The following STAC3 variants were observed in gnomAD, a reference collection of about 807,000 sequenced individuals.
STAC3 encodes the protein SH3 and cysteine-rich domain-containing protein 3.
STAC3 carries 30 observed loss-of-function variants against 48.5 expected under a neutral mutation model. That is an observed-to-expected ratio of 0.62 (90% CI 0.46 to 0.84). The LOEUF (loss-of-function observed/expected upper bound fraction) is 0.84, where lower values mean the gene tolerates loss of function less well. Ranked by LOEUF, STAC3 falls within the 40% of genes least tolerant of loss-of-function variation. The pLI is 0.00. For synonymous variants in STAC3, 144 were observed against 158.6 expected (o/e 0.91, Z 0.69); for missense variants, 419 against 462.6 (o/e 0.91, Z 0.86).
intron 5 of STAC3, among the ~76,000 whole-genome samples, chr12:57,247,419 A>ATTTTTTTTTTTTTTTTT (rs1360362639): frequency 1.2e-4 from 11 of 88,670 alleles, no homozygotes; most frequent in African/African-American, 4.9e-4. Context: ...TATTATTATT[A>ATTTTTTTTTTTTTTTTT]TTATTATTAT....
chr12:57,248,834 G>T lies in STAC3; in HGVS notation c.335-31C>A, dbSNP rs780126924. On this transcript the variant is annotated intron_variant, in intron 3 of 11. Coordinates refer to ENST00000332782, the MANE Select transcript of STAC3 (RefSeq NM_145064.3). ...GAAAGGGGGAGAAAATTCAGATAAG[G>T]TTCCAGATTGCCCTTTCCCTTTGTA... is the stretch of plus-strand genomic sequence containing the variant. 2.5e-6 allele frequency: 4 copies of T among 1,589,074 alleles called. No individual in the cohort carries two copies. In the East Asian group the frequency reaches 6.7e-5, roughly 27 times the overall value.
intron 10 of STAC3, 26 bp downstream of exon 10, chr12:57,244,289 A>C (rs1165059690): frequency 1.9e-6 from 3 of 1,613,588 alleles, no homozygotes; most frequent in East Asian, 4.5e-5. Context: ...CCCACACTCC[A>C]CCCTAGCCCT....
At position 57,244,093 on chromosome 12, in the gene STAC3, C is replaced by T. The variant is rs1267754307; in HGVS notation, c.991G>A (p.Asp331Asn). The change falls in exon 11 of 12, where the codon GAC becomes AAC. Residue 331 changes from aspartate to asparagine, a missense_variant. Coordinates refer to ENST00000332782, the MANE Select transcript of STAC3 (RefSeq NM_145064.3). ...GGGTTGGGGCAACAGCCTACCTGGT[C>T]CTTCTTGAGAGTGATCTGCCCTATC... ...REIGQITLKK[D>N]QIVVQKGDEA... 6.2e-7 allele frequency: 1 copy of T among 1,613,938 alleles called. No homozygotes were observed. The highest frequency in any genetic ancestry group is 8.5e-7 in the Non-Finnish European group (1 of 1,180,040).
chr12:57,245,275 T>C (rs2037709392), intron 6 of STAC3, 64 bp from the exon 7 acceptor site: 18 of 1,456,606 alleles, frequency 1.2e-5, no homozygotes, highest in Non-Finnish European at 1.7e-5. Flanking sequence ...CTGTCTATAA[T>C]CAGGTCAGAG....
chr12:57,245,134 GT>G lies in STAC3; in HGVS notation c.670+10del. 1 of 1,613,884 alleles carries G rather than the reference GT, an allele frequency of 6.2e-7. No individual in the cohort carries two copies. The highest frequency in any genetic ancestry group is 8.5e-7 in the Non-Finnish European group (1 of 1,179,874). On this transcript the variant is annotated intron_variant, in intron 7 of 11. Coordinates refer to ENST00000332782, the MANE Select transcript of STAC3 (RefSeq NM_145064.3). ...CTACTCCATCTCTGGATGGAGGTGG[GT>G]AACACTCACCATCCTGGGGTTTGCC...
At chr12:57,249,790 C>CT (rs2037857836) in intron 1 of STAC3, 153 bp from the exon 2 acceptor site, 1 of 770,226 alleles carries the variant, frequency 1.3e-6, no homozygotes, top group Admixed American at 2.4e-5. Flanking sequence ...GGGTCTCACT[C>CT]TGTCACCCAG....
At chr12:57,250,680 C>T (rs969831655) in intron 1 of STAC3, among the ~76,000 whole-genome samples, 4 of 152,088 alleles carry the variant, frequency 2.6e-5, no homozygotes, top group African/African-American at 9.7e-5. Context: ...AGACATTTGT[C>T]CTCCCCTACT....
intron 7 of STAC3, 77 bp downstream of exon 7, chr12:57,245,068 T>TC: frequency 1.9e-6 from 3 of 1,605,740 alleles, no homozygotes; most frequent in Non-Finnish European, 2.6e-6. Flanking sequence ...TGGCCTGCCC[T>TC]TTGCTCCTCC....
chr12:57,247,354 A>T (rs574045614), intron 5 of STAC3, among the ~76,000 whole-genome samples: 1 of 152,008 alleles, frequency 6.6e-6, no homozygotes, highest in African/African-American at 2.4e-5. Flanking sequence ...CTCTCCTCCA[A>T]ATAAATGTTG....
chr12:57,244,154 C>A lies in STAC3; in HGVS notation c.930G>T (p.Val310=). The stretch of plus-strand genomic sequence containing the variant: ...CCACGAAGGATCTCGTCACGCGGTG[C>A]ACACGTTCTCCAGCCCGGACCCGAA... ...FIIRVRAGER[V]HRVTRSFVGN... is the part of the protein sequence containing the mutation. Residue 310 remains valine (V), a synonymous_variant, in exon 11 of 12, where the codon GTG becomes GTT. Coordinates refer to ENST00000332782, the MANE Select transcript of STAC3 (RefSeq NM_145064.3). 6.2e-7 allele frequency: 1 copy of A among 1,614,158 alleles called. No homozygotes were observed. The highest frequency in any genetic ancestry group is 8.5e-7 in the Non-Finnish European group (1 of 1,180,026).
intron 2 of STAC3, 127 bp downstream of exon 2, chr12:57,249,444 A>T: frequency 2.7e-6 from 4 of 1,491,938 alleles, no homozygotes; most frequent in Non-Finnish European, 3.6e-6. Context: ...GGGTATTGGT[A>T]TTGGGGACTG....
intron 6 of STAC3, among the ~76,000 whole-genome samples, chr12:57,246,397 T>A (rs537406253): frequency 6.6e-6 from 1 of 151,380 alleles, no homozygotes; most frequent in East Asian, 1.9e-4. Context: ...CTTCCTTTTT[T>A]TTTTTTCTTG....
intron 5 of STAC3, 33 bp from the exon 6 acceptor site, chr12:57,246,934 T>A: frequency 5.6e-6 from 9 of 1,599,546 alleles, no homozygotes; most frequent in Non-Finnish European, 6.8e-6. Flanking sequence ...AAGACATTAT[T>A]GGGAAGGCAG....
intron 4 of STAC3, 41 bp from the exon 5 acceptor site, chr12:57,248,239 TA>T: frequency 6.6e-7 from 1 of 1,524,230 alleles, no homozygotes; most frequent in Non-Finnish European, 9.1e-7. Context: ...GGTAGCAAAG[TA>T]AGGTCCAGAA....
At position 57,243,539 on chromosome 12, in the gene STAC3, G is replaced by A. The variant is rs926163301; in HGVS notation, c.*273C>T. 4.6e-6 allele frequency: 3 copies of A among 645,808 alleles called. No homozygotes were observed. The Admixed American group carries it at 6.9e-5, about 15-fold the overall frequency. 40.0% of individuals were successfully genotyped at this position (645,808 alleles called of 1,614,324 possible). ...CCCCCGCCCCCCGCCCCAGTCCCTGGCTCCTCCTAGTAGATACGCGTTTTT... is the reference window on the plus strand; with the variant it reads ...CCCCCGCCCCCCGCCCCAGTCCCTGACTCCTCCTAGTAGATACGCGTTTTT... On this transcript the variant is annotated 3_prime_UTR_variant, in exon 12 of 12. Transcript: ENST00000332782.
At position 57,251,072 on chromosome 12, in the gene STAC3, A is replaced by G; in HGVS notation, c.-81T>C. On this transcript the variant is annotated 5_prime_UTR_variant, in exon 1 of 12. Transcript: ENST00000332782. ...GGCCTTGATGGTGGTGCTGGGGAAA[A>G]ACTGGTCCTCTTCCTTGGGGGCTAA... 4.6e-6 allele frequency: 2 copies of G among 439,486 alleles called. No individual in the cohort carries two copies. Among genetic ancestry groups the G allele is most frequent in the South Asian group, 3.1e-5 (2 of 63,562 alleles). The allele number at this position is 439,486 out of a possible 1,614,324, so 27.2% of individuals were successfully genotyped here. A position where few individuals can be genotyped will look rare whatever the true frequency, so the allele number is the denominator to read the frequency against.
rs758535681 is a variant in STAC3, at chr12:57,248,822, A to C, written c.335-19T>G. On this transcript the variant is annotated intron_variant, in intron 3 of 11. Transcript: ENST00000332782. ...TTGTTGACTTGGGAAAGGGGGAGAA[A>C]ATTCAGATAAGGTTCCAGATTGCCC... 1.1e-5 allele frequency: 17 copies of C among 1,605,050 alleles called. No individual in the cohort carries two copies. In the South Asian group the frequency reaches 1.7e-4, roughly 16 times the overall value.
Position 57,245,169 on chromosome 12 carries a change from G to C in STAC3, c.646C>G (p.Pro216Ala). Reference protein sequence around the residue: ...MMEEEPESARPEEGKPQDGNP... With the variant: ...MMEEEPESARAEEGKPQDGNP... ...CCATCCTGGGGTTTGCCTTCCTCTG[G>C]TCTGGCCGACTCTGGCTCCTCCTCC... The change falls in exon 7 of 12, where the codon CCA becomes GCA. Residue 216 changes from proline to alanine, a missense_variant. Physicochemically the swap from Pro to Ala is conservative, Grantham distance 27. Transcript: ENST00000332782. 6.2e-7 allele frequency: 1 copy of C among 1,614,080 alleles called. No individual in the cohort carries two copies. Among genetic ancestry groups the C allele is most frequent in the Non-Finnish European group, 8.5e-7 (1 of 1,180,012 alleles).
rs1385397793 is a variant in STAC3 at position 57,249,619 on chromosome 12, C to T, written c.18G>A (p.Val6=). Residue 6 remains valine, a synonymous_variant, in exon 2 of 12, where the codon GTG becomes GTA. Coordinates refer to ENST00000332782, the MANE Select transcript of STAC3 (RefSeq NM_145064.3). The part of the protein sequence containing the change: MTEKE[V]LESPKPSFPA... Reference sequence around the variant, plus strand: ...GGAAGGAGGGCTTAGGGGACTCCAGCACCTCCTTTTCTGTCATCCTGCAAG... The same window carrying T: ...GGAAGGAGGGCTTAGGGGACTCCAGTACCTCCTTTTCTGTCATCCTGCAAG... 6 of 1,614,046 alleles carry T rather than the reference C, an allele frequency of 3.7e-6. No individual in the cohort carries two copies. The highest frequency in any genetic ancestry group is 5.1e-6 in the Non-Finnish European group (6 of 1,180,022).
Sources: allele counts gnomAD v4.1 joint callset (sites outside exome capture counted in the v4.1 genomes callset), GRCh38; gene constraint gnomAD v4.1.1; transcripts MANE v1.5; gene names NCBI Gene and HGNC (gene_info 2026-07-23, HGNC 2026-07-21).